The following COL6A3 variants were observed in gnomAD, a reference collection of about 807,000 sequenced individuals.
The protein encoded by COL6A3 is collagen alpha-3(VI) chain.
COL6A3 carries 137 observed loss-of-function variants against 274.1 expected under a neutral mutation model. That is an observed-to-expected ratio of 0.50 (90% CI 0.44 to 0.58). The LOEUF (loss-of-function observed/expected upper bound fraction) is 0.58, where lower values mean the gene tolerates loss of function less well. Ranked by LOEUF, COL6A3 falls within the 20% of genes least tolerant of loss-of-function variation. The probability of loss-of-function intolerance (pLI) is 0.00; values close to 1 mark genes in which losing one functional copy is unlikely to be tolerated. For missense variants in COL6A3, 3,950 were observed against 4,124.9 expected (o/e 0.96, Z 1.16); for synonymous variants, 1,650 against 1,650.6 (o/e 1.00, Z 0.01).
chr2:237,347,956 T>G, intron 30 of COL6A3, 87 bp from the exon 31 acceptor site: 3 of 1,249,272 alleles, frequency 2.4e-6, no homozygotes, highest in Non-Finnish European at 1.1e-6. Context: ...CCAGGAGACG[T>G]GTGGGTCACA....
rs1038994935 is a variant in COL6A3 at position 237,360,079 on chromosome 2, A to G, written c.6282+9T>C. The stretch of plus-strand genomic sequence containing the variant: ...CCCCACGCTAGCAACCCCATCACCC[A>G]CGCCTCACCTTTACTCCTCTCTGGC... On this transcript the variant is annotated intron_variant, in intron 17 of 43. Transcript: ENST00000295550. The G allele has an allele frequency of 7.4e-6, 12 of 1,613,764 alleles. No individual in the cohort carries two copies. In the South Asian group the frequency reaches 1.1e-4, roughly 15 times the overall value.
At position 237,378,617 on chromosome 2, in the gene COL6A3, G is replaced by C; in HGVS notation, c.2497+19C>G. The C allele has an allele frequency of 1.2e-6, 2 of 1,612,164 alleles. No homozygotes were observed. Among genetic ancestry groups the C allele is most frequent in the South Asian group, 1.1e-5 (1 of 90,984 alleles). On this transcript the variant is annotated intron_variant, in intron 6 of 43. Transcript: ENST00000295550. ...GTCTGAGGAAGGAGAGGGAGTTCCCGGCAACAGGGGAGGTTTACCTGGCTG... is the reference window on the plus strand; with the variant it reads ...GTCTGAGGAAGGAGAGGGAGTTCCCCGCAACAGGGGAGGTTTACCTGGCTG...
chr2:237,378,996 C>T lies in COL6A3; in HGVS notation c.2137G>A (p.Gly713Arg), dbSNP rs142160199. The change falls in exon 6 of 44, where the codon GGA becomes AGA. Residue 713 changes from glycine (G) to arginine (R), a missense_variant. By Grantham distance (125) the Gly-to-Arg change is moderately radical. This residue lies in a region of COL6A3 where 1,934 missense variants were observed against 1,984.3 expected (regional missense o/e 0.97). Transcript: ENST00000295550. ...GAGCCTGTGTTCAGGCCCGAACCTC[C>T]CTGGAGCTGCAGCTGCCTCAGATGA... ...LGHLRQLQLQ[G>R]GSGLNTGSAL... 2 of 1,614,148 alleles carry T rather than the reference C, an allele frequency of 1.2e-6. No individual in the cohort carries two copies. Among genetic ancestry groups the T allele is most frequent in the Non-Finnish European group, 1.7e-6 (2 of 1,180,016 alleles).
In COL6A3 at chr2:237,352,420, G is replaced by C. The variant is rs140765285; in HGVS notation, c.6753+102C>G. On this transcript the variant is annotated intron_variant, in intron 26 of 43. Transcript: ENST00000295550. The stretch of plus-strand genomic sequence containing the variant: ...TGTTGCCAAAGAGGAGAGCTAAAGG[G>C]AGGTCTGTCTACAATAGCATCATCC... 8.6e-4 allele frequency: 980 copies of C among 1,145,126 alleles called. 1 individual carries two copies. In the African/African-American group the frequency reaches 0.013, roughly 15 times the overall value. The allele number at this position is 1,145,126 out of a possible 1,614,324, so 70.9% of individuals were successfully genotyped here. A position where few individuals can be genotyped will look rare whatever the true frequency, so the allele number is the denominator to read the frequency against.
At position 237,376,411 on chromosome 2, in the gene COL6A3, G is replaced by C. The variant is rs375269838; in HGVS notation, c.3070+361C>G. The stretch of plus-strand genomic sequence containing the variant: ...GCATTGGGTGAATATGAAGATGAAG[G>C]CTGTTTTAGGTACAATGTAACCATA... On this transcript the variant is annotated intron_variant, in intron 7 of 43. Transcript: ENST00000295550. 1.3e-4 allele frequency among the ~76,000 whole-genome samples: 20 copies of C among 152,260 alleles called. 1 individual carries two copies. The highest frequency in any genetic ancestry group is 4.8e-4 in the African/African-American group (20 of 41,524).
chr2:237,384,386 C>T (rs1224228715), intron 4 of COL6A3, among the ~76,000 whole-genome samples: 3 of 152,128 alleles, frequency 2.0e-5, no homozygotes, highest in Non-Finnish European at 4.4e-5. Flanking sequence ...TGCTACTCCT[C>T]ACCAACATGG....
At chr2:237,327,446 A>ACTCCC in intron 42 of COL6A3, 2 of 151,884 alleles carry the variant, frequency 1.3e-5, no homozygotes, top group Non-Finnish European at 2.9e-5. Context: ...AGCACACTCC[A>ACTCCC]CTCCCCGTCT....
Position 237,359,267 on chromosome 2 carries a change from C to T in COL6A3, c.6310-17G>A, listed in dbSNP as rs1394155313. The T allele has an allele frequency of 9.9e-6, 16 of 1,614,138 alleles. No homozygotes were observed. The highest frequency in any genetic ancestry group is 5.0e-5 in the Admixed American group (3 of 60,026). ...TACTTCGCCCTAAGAGGGAATAAGG[C>T]GGACAGGTAAGTATAGAAAGCTATT... On this transcript the variant is annotated splice_polypyrimidine_tract_variant and intron_variant, in intron 18 of 43. Coordinates refer to ENST00000295550, the MANE Select transcript of COL6A3 (RefSeq NM_004369.4).
intron 1 of COL6A3, among the ~76,000 whole-genome samples, chr2:237,403,678 A>G (rs2078649545): frequency 6.6e-6 from 1 of 152,096 alleles, no homozygotes; most frequent in Admixed American, 6.5e-5. Context: ...TGTTAACACA[A>G]TGTAGAAGAG....
intron 1 of COL6A3, among the ~76,000 whole-genome samples, chr2:237,401,081 A>G (rs978852646): frequency 6.6e-6 from 1 of 152,244 alleles, no homozygotes; most frequent in African/African-American, 2.4e-5. Context: ...CATATGAACC[A>G]ATGGAACAGA....
intron 1 of COL6A3, among the ~76,000 whole-genome samples, chr2:237,409,533 T>TG (rs143826022): frequency 6.6e-6 from 1 of 151,904 alleles, no homozygotes; most frequent in Non-Finnish European, 1.5e-5. Context: ...TTTTTGTTTT[T>TG]TTTGTTTGTT....
rs149462470 is a variant in COL6A3, at chr2:237,407,778, C to A, written c.-31+6175G>T. Among the ~76,000 whole-genome samples the A allele has an allele frequency of 6.6e-6, 1 of 152,186 alleles. No homozygotes were observed. Among genetic ancestry groups the A allele is most frequent in the Non-Finnish European group, 1.5e-5 (1 of 68,038 alleles). ...AACACATTCCACATTCTGAAATATA[C>A]GGCAGCCAGACAAGATTTTGTCTGC... On this transcript the variant is annotated intron_variant, in intron 1 of 43. Coordinates refer to ENST00000295550, the MANE Select transcript of COL6A3 (RefSeq NM_004369.4). The surrounding 1 kb of genome is among the most constrained non-coding windows in gnomAD (Gnocchi z 4.3).
intron 3 of COL6A3, 131 bp from the exon 4 acceptor site, chr2:237,388,315 G>A: frequency 8.8e-7 from 1 of 1,139,676 alleles, no homozygotes; most frequent in South Asian, 1.4e-5. Flanking sequence ...AACACATGTT[G>A]ATGAAGGAAT....
chr2:237,400,712 C>T lies in COL6A3; in HGVS notation c.-30-3865G>A, dbSNP rs74955409. 5.2e-3 allele frequency among the ~76,000 whole-genome samples: 795 copies of T among 152,080 alleles called. 3 individuals are homozygous for T. The highest frequency in any genetic ancestry group is 0.018 in the African/African-American group (761 of 41,494). On this transcript the variant is annotated intron_variant, in intron 1 of 43. Coordinates refer to ENST00000295550, the MANE Select transcript of COL6A3 (RefSeq NM_004369.4). ...AGGAAGAATTAACACTAATCCTTCT[C>T]AAACTTTTCTCAAAAAAATTAAAGA...
At chr2:237,356,985 C>T (rs1399423914) in intron 23 of COL6A3, 5 of 353,004 alleles carry the variant, frequency 1.4e-5, no homozygotes, top group Non-Finnish European at 2.6e-5. Context: ...ACAACTCCCT[C>T]AGCCCTCTTG....
At chr2:237,327,733 G>A (rs1033589865) in intron 42 of COL6A3, 3 of 152,052 alleles carry the variant, frequency 2.0e-5, no homozygotes, top group Admixed American at 1.3e-4. Context: ...TTCTTAAGAA[G>A]GCTTCTAATG....
rs1031349800 is a variant in COL6A3 at position 237,340,789 on chromosome 2, C to A, written c.8127G>T (p.Leu2709Phe). Reference sequence around the variant, plus strand: ...CACTGCCTAAGGCCCTGGTTCCCTGCAACTGTGTCATTCCCCTGCTGAGGA... The same window carrying A: ...CACTGCCTAAGGCCCTGGTTCCCTGAAACTGTGTCATTCCCCTGCTGAGGA... ...VDFLSRGMTQLQGTRALGSAI... is the reference protein window; with the variant it reads ...VDFLSRGMTQFQGTRALGSAI... Residue 2709 changes from leucine (L) to phenylalanine (F), a missense_variant, in exon 38 of 44, where the codon TTG becomes TTT. Physicochemically the swap from Leu to Phe is conservative, Grantham distance 22. Transcript: ENST00000295550. 3 of 1,614,178 alleles carry A rather than the reference C, an allele frequency of 1.9e-6. No individual in the cohort carries two copies. Among genetic ancestry groups the A allele is most frequent in the Non-Finnish European group, 2.5e-6 (3 of 1,180,036 alleles).
chr2:237,341,412 C>T (rs4542798), intron 37 of COL6A3, among the ~76,000 whole-genome samples: 5 of 151,946 alleles, frequency 3.3e-5, no homozygotes, highest in South Asian at 2.1e-4. Context: ...GGCCTGATGG[C>T]GCATGCCTGT....
At chr2:237,412,144 A>G (rs984806649) in intron 1 of COL6A3, among the ~76,000 whole-genome samples, 4 of 152,210 alleles carry the variant, frequency 2.6e-5, no homozygotes, top group African/African-American at 9.7e-5. Flanking sequence ...CTACATCCTG[A>G]TCTTTGTAAA....
Sources: allele counts gnomAD v4.1 joint callset (sites outside exome capture counted in the v4.1 genomes callset), GRCh38; gene constraint gnomAD v4.1.1; regional missense constraint gnomAD v4.1.1; non-coding constraint Gnocchi (gnomAD v3.1); transcripts MANE v1.5; gene names NCBI Gene and HGNC (gene_info 2026-07-23, HGNC 2026-07-21).